Variants in SEZ6L observed in about 807,000 individuals in gnomAD.
The protein encoded by SEZ6L is seizure related 6 homolog like, also known as seizure 6-like protein.
A neutral mutation model predicts 106.2 loss-of-function variants in SEZ6L; 37 were observed. The observed-to-expected ratio is 0.35, with a 90% CI of 0.27 to 0.46. The LOEUF (loss-of-function observed/expected upper bound fraction) is 0.46. Among genes scored for constraint, SEZ6L ranks in the 20% least tolerant of loss-of-function variants. The probability of loss-of-function intolerance (pLI) is 1.00; values close to 1 mark genes in which losing one functional copy is unlikely to be tolerated. For missense variants in SEZ6L, 1,172 were observed against 1,332.8 expected (o/e 0.88, Z 1.88); for synonymous variants, 541 against 570.4 (o/e 0.95, Z 0.73).
chr22:26,305,835 T>C, intron 5 of SEZ6L, 144 bp from the exon 6 acceptor site: 1 of 868,424 alleles, frequency 1.2e-6, no homozygotes. Flanking sequence ...TGATGTTTCA[T>C]CCTGGGCAAG....
chr22:26,200,197 A>T (rs1248496885), intron 1 of SEZ6L, among the ~76,000 whole-genome samples: 1 of 151,764 alleles, frequency 6.6e-6, no homozygotes, highest in Non-Finnish European at 1.5e-5. Context: ...TCTTTCTTCC[A>T]GTATTGAACT....
chr22:26,291,217 A>G (rs1478857677), intron 1 of SEZ6L, among the ~76,000 whole-genome samples: 1 of 152,244 alleles, frequency 6.6e-6, no homozygotes, highest in African/African-American at 2.4e-5. Context: ...TAGACTGGAT[A>G]AAGAAAATGT....
chr22:26,183,392 G>A (rs1047618834), intron 1 of SEZ6L, among the ~76,000 whole-genome samples: 14 of 152,108 alleles, frequency 9.2e-5, no homozygotes, highest in African/African-American at 1.7e-4. Flanking sequence ...TCACTTCTAC[G>A]TTGTCCTGAT....
chr22:26,272,895 G>A (rs146553968), intron 1 of SEZ6L, among the ~76,000 whole-genome samples: 56 of 152,292 alleles, frequency 3.7e-4, no homozygotes, highest in African/African-American at 1.2e-3. Flanking sequence ...GTGGGTATGT[G>A]TACTTCCATC....
chr22:26,266,019 T>C (rs1188758392), intron 1 of SEZ6L, among the ~76,000 whole-genome samples: 1 of 152,196 alleles, frequency 6.6e-6, no homozygotes, highest in African/African-American at 2.4e-5. Flanking sequence ...ACTGCCTCGC[T>C]GCCATCATGG....
In SEZ6L at chr22:26,311,884, C is replaced by T. The variant is rs1179129237; in HGVS notation, c.1798C>T (p.Leu600=). 6.2e-7 allele frequency: 1 copy of T among 1,614,080 alleles called. No individual in the cohort carries two copies. The highest frequency in any genetic ancestry group is 8.5e-7 in the Non-Finnish European group (1 of 1,180,046). The change falls in exon 8 of 17, where the codon CTG becomes TTG. Residue 600 remains leucine, a synonymous_variant. Coordinates refer to ENST00000248933, the MANE Select transcript of SEZ6L (RefSeq NM_021115.5). ...VEFTCDPGHS[L]EQGPAIIECI... ...GTTCACCTGCGACCCCGGCCACTCC[C>T]TGGAGCAGGGCCCGGCCATCATCGA...
intron 6 of SEZ6L, 141 bp from the exon 7 acceptor site, chr22:26,310,527 ACT>A (rs1240810207): frequency 2.2e-5 from 19 of 881,652 alleles, no homozygotes; most frequent in Admixed American, 2.7e-5. Flanking sequence ...CAAGAGTGAA[ACT>A]CTGTCAAAAA....
chr22:26,263,627 A>G (rs1474410487), intron 1 of SEZ6L, among the ~76,000 whole-genome samples: 1 of 152,194 alleles, frequency 6.6e-6, no homozygotes, highest in East Asian at 1.9e-4. Context: ...TGTTGTCCCA[A>G]TTCCCAACGA....
intron 6 of SEZ6L, among the ~76,000 whole-genome samples, chr22:26,309,594 T>C (rs985541080): frequency 1.3e-5 from 2 of 152,168 alleles, no homozygotes; most frequent in African/African-American, 4.8e-5. Context: ...CTATTTTTTT[T>C]TTAAGACCGA....
chr22:26,255,339 T>C (rs992672061), intron 1 of SEZ6L, among the ~76,000 whole-genome samples: 5 of 152,150 alleles, frequency 3.3e-5, no homozygotes, highest in Non-Finnish European at 7.3e-5. Context: ...CTAGAATAAA[T>C]CACCAAAGCT....
At chr22:26,257,274 C>G (rs1415479995) in intron 1 of SEZ6L, among the ~76,000 whole-genome samples, 2 of 152,144 alleles carry the variant, frequency 1.3e-5, no homozygotes, top group Admixed American at 6.5e-5. Context: ...AAGAGAAGCA[C>G]CCAATGCAAA....
Position 26,313,735 on chromosome 22 carries a change from C to A in SEZ6L, c.1877-29C>A, listed in dbSNP as rs933420463. 1.9e-6 allele frequency: 3 copies of A among 1,593,166 alleles called. No individual in the cohort carries two copies. In the South Asian group the frequency reaches 3.3e-5, roughly 18 times the overall value. On this transcript the variant is annotated intron_variant, in intron 8 of 16. Transcript: ENST00000248933. ...ACATTGACTTCTTTACAAATAAAGT[C>A]CGTCTTCTTGCCTGTCTGTCTTTTA...
chr22:26,229,354 G>A (rs2078730253), intron 1 of SEZ6L, among the ~76,000 whole-genome samples: 1 of 152,028 alleles, frequency 6.6e-6, no homozygotes, highest in South Asian at 2.1e-4. Flanking sequence ...TATATGTCAG[G>A]CTCTGCCCCG....
chr22:26,360,432 G>T (rs556993489), intron 12 of SEZ6L, among the ~76,000 whole-genome samples: 1 of 152,188 alleles, frequency 6.6e-6, no homozygotes, highest in Non-Finnish European at 1.5e-5. Flanking sequence ...GACCATGTTC[G>T]CCTTGCTCAT....
chr22:26,260,379 C>T (rs774133184), intron 1 of SEZ6L, among the ~76,000 whole-genome samples: 4 of 152,222 alleles, frequency 2.6e-5, no homozygotes, highest in African/African-American at 7.2e-5. Flanking sequence ...TGAGTAAGAA[C>T]ATAGGATGTT....
At chr22:26,361,990 C>T (rs2083650971) in intron 12 of SEZ6L, among the ~76,000 whole-genome samples, 1 of 151,698 alleles carries the variant, frequency 6.6e-6, no homozygotes, top group Non-Finnish European at 1.5e-5. Flanking sequence ...ATTATACCAT[C>T]TATGCTTATT....
chr22:26,369,399 GC>G (rs2083939441), intron 13 of SEZ6L, among the ~76,000 whole-genome samples: 1 of 132,772 alleles, frequency 7.5e-6, no homozygotes, highest in Non-Finnish European at 1.5e-5. Flanking sequence ...GAGTGCAGTG[GC>G]TGGATCTCGG....
intron 2 of SEZ6L, among the ~76,000 whole-genome samples, chr22:26,293,580 G>C (rs1009706095): frequency 3.9e-5 from 6 of 152,204 alleles, no homozygotes; most frequent in Admixed American, 1.3e-4. Context: ...TCCCACCTCA[G>C]CCTCCCAAAG....
intron 1 of SEZ6L, among the ~76,000 whole-genome samples, chr22:26,201,381 A>AC (rs1172833935): frequency 5.0e-5 from 5 of 100,000 alleles, no homozygotes; most frequent in Admixed American, 4.9e-4. Context: ...ATACAAAAAT[A>AC]CAAAAAAAAA....
Sources: gnomAD v4.1 joint callset for allele counts (sites outside exome capture counted in the v4.1 genomes callset) on GRCh38, gnomAD v4.1.1 for gene constraint, MANE v1.5 for transcripts, NCBI Gene and HGNC (gene_info 2026-07-23, HGNC 2026-07-21) for gene names.